ADAMTS2: variants seen among roughly 807,000 people sequenced by gnomAD.
The protein encoded by ADAMTS2 is A disintegrin and metalloproteinase with thrombospondin motifs 2.
Under a neutral mutation model 123.0 loss-of-function variants are expected in ADAMTS2, and 50 were observed. The observed-to-expected ratio is 0.41, with a 90% CI of 0.32 to 0.51. The LOEUF (loss-of-function observed/expected upper bound fraction) is 0.51, where lower values mean the gene tolerates loss of function less well. ADAMTS2 is among the 20% of genes least tolerant of loss of function. ADAMTS2 has a pLI of 0.35. For synonymous variants in ADAMTS2, 678 were observed against 695.4 expected (o/e 0.98, Z 0.39); for missense variants, 1,494 against 1,705.2 (o/e 0.88, Z 2.18).
At chr5:179,198,316 G>A (rs1035141528) in intron 4 of ADAMTS2, among the ~76,000 whole-genome samples, 1 of 152,200 alleles carries the variant, frequency 6.6e-6, no homozygotes, top group Non-Finnish European at 1.5e-5. Context: ...GGGGCTGGGG[G>A]GCCAGCAAAG....
rs554749255 is a variant in ADAMTS2 at position 179,315,046 on chromosome 5, C to CG, written c.534+28720_534+28721insC. ...ACTGGATTCCTACACCCACCCCCCCCACAATCCCCAAGGCCCCACCCCGGC... is the reference window on the plus strand; with the variant it reads ...ACTGGATTCCTACACCCACCCCCCCCGACAATCCCCAAGGCCCCACCCCGGC... On this transcript the variant is annotated intron_variant, in intron 2 of 21. Transcript: ENST00000251582. Among the ~76,000 whole-genome samples, 3 of 147,788 alleles carry CG rather than the reference C, an allele frequency of 2.0e-5. No homozygotes were observed. In the South Asian group the frequency reaches 6.5e-4, roughly 32 times the overall value.
chr5:179,288,275 C>T lies in ADAMTS2; in HGVS notation c.535-15211G>A, dbSNP rs75695990. Among the ~76,000 whole-genome samples, 299 of 152,352 alleles carry T rather than the reference C, an allele frequency of 2.0e-3. 5 individuals carry two copies. The highest frequency in any genetic ancestry group is 6.8e-3 in the African/African-American group (281 of 41,582). On this transcript the variant is annotated intron_variant, in intron 2 of 21. Coordinates refer to ENST00000251582, the MANE Select transcript of ADAMTS2 (RefSeq NM_014244.5). ...CACTGTGCTATCCAGGGCACGCTGA[C>T]CGCCGACCGTCCTCTGCCCGCCTGC...
Position 179,308,769 on chromosome 5 carries a change from C to T in ADAMTS2, c.534+34998G>A, listed in dbSNP as rs1756745978. ...GCGGGCTGCCATGGAACCCCACCCTCCTGCAGGTTCCTGGCCCCTCTGCCT... is the reference window on the plus strand; with the variant it reads ...GCGGGCTGCCATGGAACCCCACCCTTCTGCAGGTTCCTGGCCCCTCTGCCT... On this transcript the variant is annotated intron_variant, in intron 2 of 21. Transcript: ENST00000251582. This position sits in a 1 kb window ranked among gnomAD's most constrained non-coding sequence, Gnocchi z 6.6. Among the ~76,000 whole-genome samples, 1 of 152,176 alleles carries T rather than the reference C, an allele frequency of 6.6e-6. No individual in the cohort carries two copies. Among genetic ancestry groups the T allele is most frequent in the Non-Finnish European group, 1.5e-5 (1 of 68,020 alleles).
chr5:179,330,522 C>T (rs1207054977), intron 2 of ADAMTS2, among the ~76,000 whole-genome samples: 1 of 152,250 alleles, frequency 6.6e-6, no homozygotes, highest in Non-Finnish European at 1.5e-5. Flanking sequence ...TGCAGAAGCT[C>T]TGCAAAGAGA....
rs1755993437 is a variant in ADAMTS2 at position 179,285,441 on chromosome 5, G to C, written c.535-12377C>G. On this transcript the variant is annotated intron_variant, in intron 2 of 21. Coordinates refer to ENST00000251582, the MANE Select transcript of ADAMTS2 (RefSeq NM_014244.5). This position sits in a 1 kb window ranked among gnomAD's most constrained non-coding sequence, Gnocchi z 4.9. ...GAGTGGCTCCCTCGGGACCTGGCCT[G>C]TCCAGAATGTCCCACACTCAGCCCT... is the stretch of plus-strand genomic sequence containing the variant. 6.6e-6 allele frequency among the ~76,000 whole-genome samples: 1 copy of C among 152,210 alleles called. No individual in the cohort carries two copies. Among genetic ancestry groups the C allele is most frequent in the South Asian group, 2.1e-4 (1 of 4,826 alleles).
intron 3 of ADAMTS2, among the ~76,000 whole-genome samples, chr5:179,265,144 G>T (rs1221408513): frequency 6.6e-6 from 1 of 152,238 alleles, no homozygotes; most frequent in Non-Finnish European, 1.5e-5. Flanking sequence ...CAGAACCACT[G>T]GCCGGTCTTC....
chr5:179,231,578 A>C (rs1765413265), intron 3 of ADAMTS2, among the ~76,000 whole-genome samples: 1 of 152,198 alleles, frequency 6.6e-6, no homozygotes, highest in South Asian at 2.1e-4. Flanking sequence ...GCGAGCATAA[A>C]CTTGCAGAGA....
rs1304679788 is a variant in ADAMTS2 at position 179,185,062 on chromosome 5, C to G, written c.892-3907G>C. Among the ~76,000 whole-genome samples, 2 of 152,144 alleles carry G rather than the reference C, an allele frequency of 1.3e-5. No homozygotes were observed. The highest frequency in any genetic ancestry group is 2.9e-5 in the Non-Finnish European group (2 of 68,024). ...CATGCAAACCTCCCAGGGTTGGAAG[C>G]AGCGAGGCACCTTCCAAGCACAGAG... On this transcript the variant is annotated intron_variant, in intron 4 of 21. Coordinates refer to ENST00000251582, the MANE Select transcript of ADAMTS2 (RefSeq NM_014244.5). This position sits in a 1 kb window ranked among gnomAD's most constrained non-coding sequence, Gnocchi z 5.9.
At chr5:179,147,576 G>A (rs1763274031) in intron 10 of ADAMTS2, among the ~76,000 whole-genome samples, 1 of 152,190 alleles carries the variant, frequency 6.6e-6, no homozygotes, top group Non-Finnish European at 1.5e-5. Flanking sequence ...AAAGATCTGA[G>A]GGAAATGGCC....
At chr5:179,156,637 C>T (rs879757969) in intron 6 of ADAMTS2, among the ~76,000 whole-genome samples, 1 of 152,064 alleles carries the variant, frequency 6.6e-6, no homozygotes, top group African/African-American at 2.4e-5. Flanking sequence ...GGATTACAGG[C>T]GTGAGCCACC....
intron 4 of ADAMTS2, among the ~76,000 whole-genome samples, chr5:179,201,692 C>T (rs1456169687): frequency 6.7e-6 from 1 of 150,026 alleles, no homozygotes; most frequent in East Asian, 2.0e-4. Flanking sequence ...ATCCCAGCTA[C>T]TCAGGAGGCT....
chr5:179,344,273 C>T (rs1171250339), intron 1 of ADAMTS2, 112 bp from the exon 2 acceptor site: 4 of 1,394,502 alleles, frequency 2.9e-6, no homozygotes, highest in African/African-American at 1.4e-5. Context: ...AGGGAAGGGG[C>T]ATTCCGCCAG....
At chr5:179,147,634 G>A (rs532071502) in intron 10 of ADAMTS2, among the ~76,000 whole-genome samples, 4 of 152,292 alleles carry the variant, frequency 2.6e-5, no homozygotes, top group South Asian at 4.1e-4. Flanking sequence ...TTGGCACAGC[G>A]GTGTGGCGAG....
intron 2 of ADAMTS2, among the ~76,000 whole-genome samples, chr5:179,301,698 G>A (rs1450826577): frequency 6.6e-6 from 1 of 152,262 alleles, no homozygotes; most frequent in Non-Finnish European, 1.5e-5. Flanking sequence ...GTGAACCACT[G>A]GGCTTAAGTA....
chr5:179,236,562 G>GT (rs1765535231), intron 3 of ADAMTS2, among the ~76,000 whole-genome samples: 1 of 152,138 alleles, frequency 6.6e-6, no homozygotes, highest in African/African-American at 2.4e-5. Context: ...AGTCTGAGGC[G>GT]GTAGGATCAC....
chr5:179,154,789 C>G, intron 7 of ADAMTS2, 25 bp downstream of exon 7: 2 of 1,573,676 alleles, frequency 1.3e-6, no homozygotes, highest in Non-Finnish European at 1.7e-6. Flanking sequence ...CCCCTCTGTG[C>G]CCCACCCTTC....
rs1756705037 is a variant in ADAMTS2 at position 179,307,268 on chromosome 5, T to A, written c.535-34204A>T. ...GTGAGAGCATCGCACCCTGCAAGCC[T>A]CAGCCTTCAGGGACGGCAAGACCTG... On this transcript the variant is annotated intron_variant, in intron 2 of 21. Transcript: ENST00000251582. This position sits in a 1 kb window ranked among gnomAD's most constrained non-coding sequence, Gnocchi z 5.6. Among the ~76,000 whole-genome samples, 1 of 152,066 alleles carries A rather than the reference T, an allele frequency of 6.6e-6. No homozygotes were observed. Among genetic ancestry groups the A allele is most frequent in the Non-Finnish European group, 1.5e-5 (1 of 67,990 alleles).
chr5:179,216,296 C>T (rs1407396127), intron 3 of ADAMTS2, among the ~76,000 whole-genome samples: 4 of 152,198 alleles, frequency 2.6e-5, no homozygotes, highest in Non-Finnish European at 4.4e-5. Flanking sequence ...ATCTGTAGCC[C>T]GGGGACAAAA....
At chr5:179,257,966 C>G (rs1390481070) in intron 3 of ADAMTS2, among the ~76,000 whole-genome samples, 1 of 152,202 alleles carries the variant, frequency 6.6e-6, no homozygotes, top group Non-Finnish European at 1.5e-5. Flanking sequence ...GCTGGCCGAC[C>G]CCGTGTCTAC....
Sources: gnomAD v4.1 joint callset for allele counts (sites outside exome capture counted in the v4.1 genomes callset) on GRCh38, gnomAD v4.1.1 for gene constraint, Gnocchi (gnomAD v3.1) non-coding constraint, MANE v1.5 for transcripts, NCBI Gene and HGNC (gene_info 2026-07-23, HGNC 2026-07-21) for gene names.